Variants in MYO3B observed in about 807,000 individuals in gnomAD.
MYO3B encodes the protein myosin IIIB, also known as myosin-IIIb.
A neutral mutation model predicts 174.6 loss-of-function variants in MYO3B; 156 were observed. That is an observed-to-expected ratio of 0.89 (90% CI 0.78 to 1.02). The LOEUF (loss-of-function observed/expected upper bound fraction) is 1.02. Ranked by LOEUF, MYO3B falls within the 50% of genes least tolerant of loss-of-function variation. MYO3B has a pLI of 0.00. For synonymous variants in MYO3B, 563 were observed against 569.1 expected (o/e 0.99, Z 0.15); for missense variants, 1,632 against 1,639.4 (o/e 1.00, Z 0.08).
In MYO3B at chr2:170,214,272, A is replaced by C. The variant is rs1387400733; in HGVS notation, c.322-107A>C. 6.2e-6 allele frequency: 5 copies of C among 810,680 alleles called. No individual in the cohort carries two copies. The Admixed American group carries it at 1.4e-4, about 23-fold the overall frequency. 50.2% of individuals were successfully genotyped at this position (810,680 alleles called of 1,614,324 possible). On this transcript the variant is annotated intron_variant, in intron 3 of 34. Transcript: ENST00000408978. ...CCAAGCTGGAGTTTTGTAATCTGCAAATTTACTACATTGAATCAGTATCAG... is the reference window on the plus strand; with the variant it reads ...CCAAGCTGGAGTTTTGTAATCTGCACATTTACTACATTGAATCAGTATCAG...
chr2:170,531,442 C>A (rs764806143), intron 30 of MYO3B, among the ~76,000 whole-genome samples: 1 of 152,158 alleles, frequency 6.6e-6, no homozygotes, highest in Non-Finnish European at 1.5e-5. Flanking sequence ...CACTTATTTT[C>A]TCAAGGCTTC....
rs142787936 is a variant in MYO3B, at chr2:170,275,315, A to G, written c.749+39179A>G. Among the ~76,000 whole-genome samples the G allele has an allele frequency of 1.7e-3, 264 of 152,328 alleles. 1 individual carries two copies. Among genetic ancestry groups the G allele is most frequent in the African/African-American group, 5.9e-3 (245 of 41,590 alleles). ...TATTTGAGAAATTCTAGTTTAAGAA[A>G]AGTGAACATGTTTCTTTATTTCAAG... On this transcript the variant is annotated intron_variant, in intron 7 of 34. Coordinates refer to ENST00000408978, the MANE Select transcript of MYO3B (RefSeq NM_138995.5).
chr2:170,483,375 CTTTTTTTTTTTTTT>C (rs61527598), intron 25 of MYO3B, among the ~76,000 whole-genome samples: 5,436 of 62,422 alleles, frequency 0.087, 471 homozygotes, highest in South Asian at 0.28. Flanking sequence ...CTTGGGGATT[CTTTTTTTTTTTTTT>C]TTTTTTTTTT....
At chr2:170,245,359 G>A (rs142093996) in intron 7 of MYO3B, among the ~76,000 whole-genome samples, 143 of 152,290 alleles carry the variant, frequency 9.4e-4, no homozygotes, top group African/African-American at 2.9e-3. Flanking sequence ...AGCCCAATGG[G>A]GGGATCAAAC....
At chr2:170,641,774 C>G (rs1174618574) in intron 32 of MYO3B, among the ~76,000 whole-genome samples, 1 of 135,942 alleles carries the variant, frequency 7.4e-6, no homozygotes, top group Non-Finnish European at 1.5e-5. Flanking sequence ...CATTTATTAC[C>G]TTTTCAAAAA....
intron 7 of MYO3B, among the ~76,000 whole-genome samples, chr2:170,247,939 C>T (rs2093210129): frequency 6.6e-6 from 1 of 152,128 alleles, no homozygotes; most frequent in Non-Finnish European, 1.5e-5. Context: ...TGGGGAGTCC[C>T]CTCCTGAACC....
chr2:170,626,858 G>A (rs1209151756), intron 32 of MYO3B, among the ~76,000 whole-genome samples: 1 of 152,146 alleles, frequency 6.6e-6, no homozygotes. Flanking sequence ...ATTTCTTTAG[G>A]AATGTTGAAT....
intron 7 of MYO3B, among the ~76,000 whole-genome samples, chr2:170,297,057 C>T (rs576261351): frequency 8.8e-4 from 134 of 152,134 alleles, no homozygotes; most frequent in African/African-American, 2.8e-3. Flanking sequence ...TACACAGATC[C>T]GAACCATATT....
intron 8 of MYO3B, among the ~76,000 whole-genome samples, chr2:170,366,229 A>T (rs1311488289): frequency 2.0e-5 from 3 of 152,176 alleles, no homozygotes; most frequent in Admixed American, 2.0e-4. Context: ...GGGGTTTATC[A>T]CGCAGACATT....
rs796191547 is a variant in MYO3B at position 170,226,491 on chromosome 2, C to T, written c.603+9096C>T. 7.9e-5 allele frequency among the ~76,000 whole-genome samples: 12 copies of T among 152,162 alleles called. 1 individual carries two copies. The South Asian group carries it at 1.0e-3, about 13-fold the overall frequency. ...GACGCTCAGTGTTCCAGCAGGCAAACGGCCCAAGGTGCAAGGGGTGGAAAT... is the reference window on the plus strand; with the variant it reads ...GACGCTCAGTGTTCCAGCAGGCAAATGGCCCAAGGTGCAAGGGGTGGAAAT... On this transcript the variant is annotated intron_variant, in intron 6 of 34. Transcript: ENST00000408978.
intron 7 of MYO3B, among the ~76,000 whole-genome samples, chr2:170,277,733 T>C (rs1051041385): frequency 6.6e-6 from 1 of 152,106 alleles, no homozygotes; most frequent in Non-Finnish European, 1.5e-5. Flanking sequence ...CACAAATAAA[T>C]GTCTTACAGA....
At chr2:170,425,011 A>G (rs2094649534) in intron 22 of MYO3B, among the ~76,000 whole-genome samples, 1 of 152,206 alleles carries the variant, frequency 6.6e-6, no homozygotes, top group Admixed American at 6.5e-5. Context: ...TATTGGAGAA[A>G]AGGTCTCAAA....
At chr2:170,468,117 A>C (rs1684759098) in intron 25 of MYO3B, among the ~76,000 whole-genome samples, 1 of 152,226 alleles carries the variant, frequency 6.6e-6, no homozygotes, top group Admixed American at 6.5e-5. Flanking sequence ...AAATCTGAGG[A>C]TATCAAAGAT....
At chr2:170,590,293 T>A (rs1693742768) in intron 32 of MYO3B, among the ~76,000 whole-genome samples, 1 of 152,178 alleles carries the variant, frequency 6.6e-6, no homozygotes, top group Non-Finnish European at 1.5e-5. Context: ...TTTTTTTAAA[T>A]GAGGGGTTTC....
chr2:170,212,500 C>A (rs935324911), intron 3 of MYO3B, among the ~76,000 whole-genome samples: 3 of 152,130 alleles, frequency 2.0e-5, no homozygotes, highest in African/African-American at 7.2e-5. Flanking sequence ...TTCCTTAAGC[C>A]CTACGCCTGG....
chr2:170,413,016 A>G (rs2094555772), intron 22 of MYO3B, among the ~76,000 whole-genome samples: 1 of 152,370 alleles, frequency 6.6e-6, no homozygotes, highest in East Asian at 1.9e-4. Context: ...GAAGTAACAC[A>G]ACAAAGTCCC....
At chr2:170,511,508 A>G (rs527588912) in intron 28 of MYO3B, among the ~76,000 whole-genome samples, 1 of 152,268 alleles carries the variant, frequency 6.6e-6, no homozygotes, top group South Asian at 2.1e-4. Flanking sequence ...GTTATTTTAT[A>G]CTTTTGCATA....
At chr2:170,552,315 A>T (rs1690975280) in intron 32 of MYO3B, among the ~76,000 whole-genome samples, 1 of 152,222 alleles carries the variant, frequency 6.6e-6, no homozygotes, top group African/African-American at 2.4e-5. Context: ...CAAAATGCTG[A>T]TAGTGATATG....
intron 28 of MYO3B, among the ~76,000 whole-genome samples, chr2:170,508,149 A>G (rs951773895): frequency 7.9e-5 from 12 of 152,090 alleles, no homozygotes; most frequent in Non-Finnish European, 7.4e-5. Context: ...CGATATTATA[A>G]CTTCAGAGGA....
Sources: allele counts gnomAD v4.1 joint callset (sites outside exome capture counted in the v4.1 genomes callset), GRCh38; gene constraint gnomAD v4.1.1; transcripts MANE v1.5; gene names NCBI Gene and HGNC (gene_info 2026-07-23, HGNC 2026-07-21).